Variants in EFR3A observed in about 807,000 individuals in gnomAD.
EFR3A encodes the protein protein EFR3 homolog A.
In EFR3A, 76 loss-of-function variants were observed where a neutral mutation model predicts 104.4. The observed-to-expected ratio is 0.73, with a 90% confidence interval of 0.60 to 0.88. EFR3A has a LOEUF of 0.88. Ranked by LOEUF, EFR3A falls within the 40% of genes least tolerant of loss-of-function variation. EFR3A has a pLI of 0.00. For synonymous variants in EFR3A, 330 were observed against 330.0 expected, an observed-to-expected ratio of 1.00 and a Z score of 0.00; for missense variants, 985 against 1,012.5, an observed-to-expected ratio of 0.97 and a Z score of 0.37.
intron 10 of EFR3A, among the ~76,000 whole-genome samples, chr8:131,974,762 T>C (rs1820237370): frequency 6.6e-6 from 1 of 152,224 alleles, no homozygotes; most frequent in Non-Finnish European, 1.5e-5. Context: ...TATGAGATTT[T>C]TGACTGCTAA....
intron 1 of EFR3A, among the ~76,000 whole-genome samples, chr8:131,906,235 T>C (rs972685579): frequency 9.9e-5 from 15 of 152,224 alleles, no homozygotes; most frequent in African/African-American, 3.6e-4. Flanking sequence ...AAATTCTGTT[T>C]GTAGAATATA....
At chr8:131,904,885 G>A (rs1451909425) in intron 1 of EFR3A, among the ~76,000 whole-genome samples, 1 of 152,154 alleles carries the variant, frequency 6.6e-6, no homozygotes, top group Non-Finnish European at 1.5e-5. Context: ...GGATTCACCC[G>A]GGCAGATGAT....
chr8:132,002,934 G>A (rs1203078744), intron 21 of EFR3A, among the ~76,000 whole-genome samples: 1 of 152,150 alleles, frequency 6.6e-6, no homozygotes, highest in Non-Finnish European at 1.5e-5. Flanking sequence ...TTAAGTATTA[G>A]TGATTGTTAT....
At chr8:131,955,697 AAAGTAT>A (rs1818940939) in intron 6 of EFR3A, 65 bp from the exon 7 acceptor site, 1 of 1,493,092 alleles carries the variant, frequency 6.7e-7, no homozygotes, top group Admixed American at 2.2e-5. Context: ...TCTAAAAAGT[AAAGTAT>A]ATTTTGTTTA....
intron 1 of EFR3A, among the ~76,000 whole-genome samples, chr8:131,918,352 T>A (rs1270299945): frequency 6.6e-6 from 1 of 152,252 alleles, no homozygotes; most frequent in Admixed American, 6.5e-5. Context: ...TGACTTTGTG[T>A]TACTATAATT....
At chr8:131,983,758 C>T (rs1820734762) in intron 14 of EFR3A, among the ~76,000 whole-genome samples, 1 of 152,150 alleles carries the variant, frequency 6.6e-6, no homozygotes, top group African/African-American at 2.4e-5. Flanking sequence ...GTACAATAAT[C>T]TTTATCATTG....
intron 1 of EFR3A, among the ~76,000 whole-genome samples, chr8:131,920,167 T>C (rs1586534314): frequency 6.6e-6 from 1 of 152,232 alleles, no homozygotes; most frequent in East Asian, 1.9e-4. Context: ...TGTGCCGGAG[T>C]GCTTTGTTAT....
chr8:131,951,729 A>G (rs1284621997), intron 5 of EFR3A, among the ~76,000 whole-genome samples: 2 of 152,148 alleles, frequency 1.3e-5, no homozygotes, highest in Admixed American at 6.6e-5. Flanking sequence ...TTATAGTACA[A>G]TTTGCTAACT....
intron 17 of EFR3A, among the ~76,000 whole-genome samples, chr8:131,986,865 G>A (rs1374681873): frequency 6.6e-6 from 1 of 150,778 alleles, no homozygotes; most frequent in Non-Finnish European, 1.5e-5. Flanking sequence ...CTTAAATATA[G>A]CATATTTTAT....
At position 132,002,612 on chromosome 8, in the gene EFR3A, G is replaced by C; in HGVS notation, c.2216G>C (p.Gly739Ala). The change falls in exon 21 of 23, where the codon GGA becomes GCA. Residue 739 changes from glycine to alanine, a missense_variant. Coordinates refer to ENST00000254624, the MANE Select transcript of EFR3A (RefSeq NM_015137.6). ...EALKKAIDTS[G>A]MEEQEKEKRR... ...ATAAATATTTGTATAGATACCAGTG[G>C]AATGGAAGAACAGGAAAAGGAAAAG... 6.2e-7 allele frequency: 1 copy of C among 1,612,802 alleles called. No individual in the cohort carries two copies. The highest frequency in any genetic ancestry group is 1.1e-5 in the South Asian group (1 of 91,026).
intron 1 of EFR3A, among the ~76,000 whole-genome samples, chr8:131,910,552 C>T (rs921318121): frequency 2.0e-5 from 3 of 152,192 alleles, no homozygotes; most frequent in Non-Finnish European, 2.9e-5. Context: ...GAATTACAGG[C>T]GTGAGCCACT....
At chr8:132,009,625 T>A (rs1049202604) in intron 22 of EFR3A, among the ~76,000 whole-genome samples, 1 of 152,074 alleles carries the variant, frequency 6.6e-6, no homozygotes, top group Admixed American at 6.6e-5. Context: ...TGAGTTGATC[T>A]CATTTGGACA....
intron 1 of EFR3A, among the ~76,000 whole-genome samples, chr8:131,918,201 C>A (rs754333896): frequency 6.6e-6 from 1 of 152,138 alleles, no homozygotes; most frequent in Non-Finnish European, 1.5e-5. Flanking sequence ...GCAGGAGAAT[C>A]GCATGAACCC....
chr8:131,974,396 C>G (rs1386136340), intron 10 of EFR3A, among the ~76,000 whole-genome samples: 1 of 152,132 alleles, frequency 6.6e-6, no homozygotes, highest in Admixed American at 6.6e-5. Context: ...GTGCAGGGTA[C>G]TTTATGTCCT....
intron 10 of EFR3A, among the ~76,000 whole-genome samples, chr8:131,975,279 G>C (rs1195937879): frequency 6.6e-6 from 1 of 152,132 alleles, no homozygotes; most frequent in East Asian, 1.9e-4. Context: ...AACCAGAGTA[G>C]TGACTAATTA....
intron 19 of EFR3A, 81 bp from the exon 20 acceptor site, chr8:132,001,678 T>C: frequency 8.8e-6 from 11 of 1,248,790 alleles, no homozygotes; most frequent in Non-Finnish European, 1.3e-5. Flanking sequence ...GAAAAACTTC[T>C]TAGATGACTT....
chr8:131,965,506 A>G (rs906478150), intron 8 of EFR3A, among the ~76,000 whole-genome samples: 3 of 152,268 alleles, frequency 2.0e-5, no homozygotes, highest in Admixed American at 6.5e-5. Flanking sequence ...CAAAACCACA[A>G]TGAGATACCA....
intron 1 of EFR3A, among the ~76,000 whole-genome samples, chr8:131,923,757 T>C (rs1817167210): frequency 6.6e-6 from 1 of 152,090 alleles, no homozygotes; most frequent in Admixed American, 6.6e-5. Flanking sequence ...AATCCCCTGC[T>C]TAACCTTATT....
intron 8 of EFR3A, among the ~76,000 whole-genome samples, chr8:131,960,567 G>A (rs905620105): frequency 6.6e-6 from 1 of 152,072 alleles, no homozygotes; most frequent in African/African-American, 2.4e-5. Context: ...TATTATCATT[G>A]TACAATTAAA....
Sources: allele counts gnomAD v4.1 joint callset (sites outside exome capture counted in the v4.1 genomes callset), GRCh38; gene constraint gnomAD v4.1.1; transcripts MANE v1.5; gene names NCBI Gene and HGNC (gene_info 2026-07-23, HGNC 2026-07-21).